The following ARB2A variants were observed in gnomAD, a reference collection of about 807,000 sequenced individuals.
ARB2A encodes cotranscriptional regulator ARB2A.
chr5:93,986,244 G>A, the ARB2A span, among the ~76,000 whole-genome samples: 1 of 151,802 alleles, frequency 6.6e-6, no homozygotes, highest in South Asian at 2.1e-4. Flanking sequence ...TCTGAGAAGT[G>A]AGGAGCCCCT....
the ARB2A span, among the ~76,000 whole-genome samples, chr5:93,953,989 T>C: frequency 6.6e-6 from 1 of 152,124 alleles, no homozygotes; most frequent in Non-Finnish European, 1.5e-5. Flanking sequence ...CACTTGTAAA[T>C]GCTACCAGTC....
chr5:94,026,201 C>T, the ARB2A span, among the ~76,000 whole-genome samples: 1 of 152,104 alleles, frequency 6.6e-6, no homozygotes, highest in African/African-American at 2.4e-5. Flanking sequence ...ATTAACAGCC[C>T]TGTCAGCCCC....
the ARB2A span, among the ~76,000 whole-genome samples, chr5:93,841,862 T>G: frequency 6.6e-6 from 1 of 152,146 alleles, no homozygotes; most frequent in African/African-American, 2.4e-5. Context: ...GTGGGCCAGG[T>G]TGACATGAAA....
At chr5:93,906,276 C>A in the ARB2A span, among the ~76,000 whole-genome samples, 1 of 151,258 alleles carries the variant, frequency 6.6e-6, no homozygotes, top group Non-Finnish European at 1.5e-5. Context: ...ACAAATAAAC[C>A]ATCAGTGATT....
At chr5:93,760,546 A>G in the ARB2A span, among the ~76,000 whole-genome samples, 1 of 152,254 alleles carries the variant, frequency 6.6e-6, no homozygotes, top group Non-Finnish European at 1.5e-5. Flanking sequence ...ACTAGTATAA[A>G]AATAGGCACA....
chr5:94,046,141 C>T, the ARB2A span, among the ~76,000 whole-genome samples: 1 of 152,130 alleles, frequency 6.6e-6, no homozygotes, highest in Non-Finnish European at 1.5e-5. Flanking sequence ...TTCACTTGAA[C>T]GCATGACTCA....
At chr5:93,717,248 C>A in the ARB2A span, among the ~76,000 whole-genome samples, 1 of 152,102 alleles carries the variant, frequency 6.6e-6, no homozygotes, top group Non-Finnish European at 1.5e-5. Flanking sequence ...TTTACTGCTG[C>A]AGAAGTACAT....
At chr5:94,021,709 G>A in the ARB2A span, among the ~76,000 whole-genome samples, 2 of 152,180 alleles carry the variant, frequency 1.3e-5, no homozygotes, top group South Asian at 2.1e-4. Flanking sequence ...CTACCCATGA[G>A]TATAAGGTAT....
At chr5:93,651,139 CTTT>C in the ARB2A span, among the ~76,000 whole-genome samples, 5 of 145,266 alleles carry the variant, frequency 3.4e-5, no homozygotes, top group African/African-American at 5.0e-5. Flanking sequence ...AAAGAACACT[CTTT>C]TTTTTTTTTT....
At chr5:93,812,557 GATAAAT>G in the ARB2A span, among the ~76,000 whole-genome samples, 3 of 152,086 alleles carry the variant, frequency 2.0e-5, no homozygotes, top group African/African-American at 4.8e-5. Flanking sequence ...GGCACAGAAA[GATAAAT>G]ATAAAGTTTT....
At chr5:93,963,956 A>C in the ARB2A span, among the ~76,000 whole-genome samples, 2 of 152,060 alleles carry the variant, frequency 1.3e-5, no homozygotes, top group Non-Finnish European at 2.9e-5. Flanking sequence ...GATTCAAAAA[A>C]AGGTTCTGCC....
the ARB2A span, among the ~76,000 whole-genome samples, chr5:93,785,630 T>C: frequency 6.6e-6 from 1 of 152,156 alleles, no homozygotes; most frequent in African/African-American, 2.4e-5. Flanking sequence ...GTACATGCTG[T>C]CTCAATGAAT....
the ARB2A span, chr5:93,740,792 A>C: frequency 6.2e-7 from 1 of 1,612,668 alleles, no homozygotes. Flanking sequence ...CGGTTATAGA[A>C]CCAAACTCGA....
chr5:93,880,474 G>A, the ARB2A span, among the ~76,000 whole-genome samples: 1 of 151,708 alleles, frequency 6.6e-6, no homozygotes, highest in African/African-American at 2.4e-5. Context: ...AATAGTTCAA[G>A]TTGAATAATT....
the ARB2A span, among the ~76,000 whole-genome samples, chr5:94,078,497 A>G: frequency 6.6e-6 from 1 of 152,204 alleles, no homozygotes; most frequent in Admixed American, 6.5e-5. Flanking sequence ...GCAGTGAGAA[A>G]AACGTTGGTG....
At chr5:93,714,907 C>T in the ARB2A span, among the ~76,000 whole-genome samples, 3 of 152,312 alleles carry the variant, frequency 2.0e-5, no homozygotes, top group East Asian at 5.8e-4. Context: ...GTTACACCAA[C>T]TATAGACAGT....
chr5:93,912,389 G>C, the ARB2A span, among the ~76,000 whole-genome samples: 1 of 151,710 alleles, frequency 6.6e-6, no homozygotes, highest in East Asian at 1.9e-4. Context: ...AAAACTGATT[G>C]AACCCTTTTA....
chr5:93,725,959 G>A, the ARB2A span, among the ~76,000 whole-genome samples: 1 of 152,040 alleles, frequency 6.6e-6, no homozygotes. Context: ...AGTACTGCAA[G>A]AAGGCCCTCC....
At chr5:93,754,542 C>T in the ARB2A span, among the ~76,000 whole-genome samples, 2 of 152,226 alleles carry the variant, frequency 1.3e-5, no homozygotes, top group Admixed American at 6.5e-5. Context: ...TAGAACCAAT[C>T]TAGCAAAGAG....
Sources: gnomAD v4.1 joint callset for allele counts (sites outside exome capture counted in the v4.1 genomes callset) on GRCh38, gnomAD v4.1.1 for gene constraint, MANE v1.5 for transcripts, NCBI Gene and HGNC (gene_info 2026-07-23, HGNC 2026-07-21) for gene names.